BNC2: variants seen among roughly 807,000 people sequenced by gnomAD.
BNC2 encodes basonuclin zinc finger protein 2, also known as zinc finger protein basonuclin-2.
BNC2 carries 20 observed loss-of-function variants against 76.3 expected under a neutral mutation model. That is an observed-to-expected ratio of 0.26 (90% CI 0.18 to 0.38). The LOEUF is 0.38. BNC2 is among the 10% of genes least tolerant of loss of function. The pLI is 1.00. For missense variants in BNC2, 1,382 were observed against 1,399.8 expected, an observed-to-expected ratio of 0.99 and a Z score of 0.20; for synonymous variants, 582 against 514.8, an observed-to-expected ratio of 1.13 and a Z score of -1.77.
intron 3 of BNC2, chr9:16,726,673 G>A (rs918220792): frequency 6.6e-6 from 1 of 151,466 alleles, no homozygotes. Flanking sequence ...TAGTACTTTC[G>A]TGCTGTGTGG....
intron 3 of BNC2, among the ~76,000 whole-genome samples, chr9:16,669,942 T>C (rs1822425421): frequency 6.6e-6 from 1 of 152,240 alleles, no homozygotes; most frequent in Admixed American, 6.5e-5. Flanking sequence ...TTATAATTTG[T>C]GGACCATGAC....
intron 5 of BNC2, among the ~76,000 whole-genome samples, chr9:16,541,887 A>G (rs1818332389): frequency 6.6e-6 from 1 of 152,192 alleles, no homozygotes; most frequent in Admixed American, 6.5e-5. Flanking sequence ...AATCTGAAAA[A>G]AAATGCCTAT....
intron 5 of BNC2, among the ~76,000 whole-genome samples, chr9:16,484,725 G>T (rs756779308): frequency 6.6e-6 from 1 of 152,154 alleles, no homozygotes; most frequent in Non-Finnish European, 1.5e-5. Flanking sequence ...AAGCTCTTAA[G>T]TTTCAGGTGC....
chr9:16,845,662 A>G (rs1818960617), intron 1 of BNC2, among the ~76,000 whole-genome samples: 1 of 152,034 alleles, frequency 6.6e-6, no homozygotes, highest in Admixed American at 6.5e-5. Context: ...CGGAGCTTGC[A>G]GTGAGCCGAG....
chr9:16,536,475 C>A (rs1482572682), intron 5 of BNC2, among the ~76,000 whole-genome samples: 3 of 152,040 alleles, frequency 2.0e-5, no homozygotes, highest in Admixed American at 2.0e-4. Flanking sequence ...GTATTTCTAG[C>A]CTCACAATTT....
At chr9:16,522,652 TAAAAG>T (rs1201818487) in intron 5 of BNC2, among the ~76,000 whole-genome samples, 1 of 152,218 alleles carries the variant, frequency 6.6e-6, no homozygotes, top group Non-Finnish European at 1.5e-5. Context: ...TGAAGCTTTT[TAAAAG>T]AGTTTTAATG....
intron 3 of BNC2, among the ~76,000 whole-genome samples, chr9:16,640,495 G>C (rs1276239522): frequency 6.6e-6 from 1 of 152,134 alleles, no homozygotes; most frequent in East Asian, 1.9e-4. Flanking sequence ...TCATTTACTG[G>C]TTAATAGTTT....
At chr9:16,683,269 G>C (rs956397983) in intron 3 of BNC2, among the ~76,000 whole-genome samples, 2 of 152,180 alleles carry the variant, frequency 1.3e-5, no homozygotes, top group Admixed American at 6.5e-5. Flanking sequence ...TTAAAAGGAA[G>C]AAGGCAAAGA....
At chr9:16,623,883 T>C (rs901242767) in intron 3 of BNC2, among the ~76,000 whole-genome samples, 1 of 152,172 alleles carries the variant, frequency 6.6e-6, no homozygotes, top group South Asian at 2.1e-4. Context: ...ACTGATGTAT[T>C]GTGTATTTTT....
At chr9:16,644,802 G>C (rs1301781345) in intron 3 of BNC2, among the ~76,000 whole-genome samples, 2 of 152,206 alleles carry the variant, frequency 1.3e-5, no homozygotes, top group African/African-American at 4.8e-5. Context: ...ATGGAGAGTA[G>C]CTGCTGCCTT....
chr9:16,712,103 A>C (rs1225620143), intron 3 of BNC2, among the ~76,000 whole-genome samples: 2 of 152,232 alleles, frequency 1.3e-5, no homozygotes, highest in Non-Finnish European at 2.9e-5. Flanking sequence ...CCTGTGTACA[A>C]AAAATTATAT....
chr9:16,759,430 T>C (rs1344286924), intron 1 of BNC2, among the ~76,000 whole-genome samples: 1 of 151,460 alleles, frequency 6.6e-6, no homozygotes, highest in African/African-American at 2.4e-5. Flanking sequence ...TTTTCCTTAA[T>C]TTTTTTTTAC....
intron 3 of BNC2, among the ~76,000 whole-genome samples, chr9:16,637,112 T>C (rs1821351812): frequency 6.6e-6 from 1 of 152,048 alleles, no homozygotes; most frequent in African/African-American, 2.4e-5. Context: ...CTTCTTATCT[T>C]CTTTTCCTAC....
intron 1 of BNC2, among the ~76,000 whole-genome samples, chr9:16,758,479 C>T (rs1027228724): frequency 6.6e-6 from 1 of 152,076 alleles, no homozygotes; most frequent in Non-Finnish European, 1.5e-5. Flanking sequence ...TACAGGTGCA[C>T]ACCACCACAC....
At position 16,834,815 on chromosome 9, in the gene BNC2, T is replaced by C. The variant is rs1252387131; in HGVS notation, c.3+35831A>G. On this transcript the variant is annotated intron_variant, in intron 1 of 6. Coordinates refer to ENST00000380672, the MANE Select transcript of BNC2 (RefSeq NM_017637.6). ...TTTAAATAAATGGATTAAGAGATAG[T>C]GCAGTATGAAAACAGATTCCCCCAT... 2.6e-5 allele frequency among the ~76,000 whole-genome samples: 4 copies of C among 152,156 alleles called. No homozygotes were observed. In the East Asian group the frequency reaches 5.8e-4, roughly 22 times the overall value.
At chr9:16,667,394 A>G (rs1269222985) in intron 3 of BNC2, among the ~76,000 whole-genome samples, 2 of 152,210 alleles carry the variant, frequency 1.3e-5, no homozygotes, top group Admixed American at 1.3e-4. Flanking sequence ...TAGGTGGTAA[A>G]AACAACTAAA....
chr9:16,436,258 T>C lies in BNC2; in HGVS notation c.1936A>G (p.Ile646Val). 6.2e-7 allele frequency: 1 copy of C among 1,614,142 alleles called. No homozygotes were observed. Reference protein sequence around the residue: ...SSMPVKIEKEIIDTADEFDDE... With the variant: ...SSMPVKIEKEVIDTADEFDDE... ...TCAAACTCATCGGCGGTATCAATAA[T>C]TTCCTTCTCAATCTTCACAGGCATG... Residue 646 changes from isoleucine (I) to valine (V), a missense_variant, in exon 6 of 7, where the codon ATT (isoleucine) becomes GTT (valine). Transcript: ENST00000380672.
chr9:16,769,857 A>G (rs909072759), intron 1 of BNC2, among the ~76,000 whole-genome samples: 66 of 152,272 alleles, frequency 4.3e-4, no homozygotes, highest in African/African-American at 1.5e-3. Flanking sequence ...GAAAACCCTG[A>G]TGCTGTGAAG....
At chr9:16,612,545 T>C (rs1464815498) in intron 3 of BNC2, among the ~76,000 whole-genome samples, 1 of 152,226 alleles carries the variant, frequency 6.6e-6, no homozygotes, top group Non-Finnish European at 1.5e-5. Context: ...TGGATTTTTA[T>C]TCTTGTGGCC....
Sources: allele counts gnomAD v4.1 joint callset (sites outside exome capture counted in the v4.1 genomes callset), GRCh38; gene constraint gnomAD v4.1.1; transcripts MANE v1.5; gene names NCBI Gene and HGNC (gene_info 2026-07-23, HGNC 2026-07-21).